The following HMGCLL1 variants were observed in gnomAD, a reference collection of about 807,000 sequenced individuals.
HMGCLL1 encodes the protein 3-hydroxy-3-methylglutaryl-CoA lyase like 1, also known as 3-hydroxymethyl-3-methylglutaryl-CoA lyase, cytoplasmic.
In HMGCLL1, 36 loss-of-function variants were observed where a neutral mutation model predicts 39.1. The observed-to-expected ratio is 0.92, with a 90% confidence interval of 0.71 to 1.22. The LOEUF (loss-of-function observed/expected upper bound fraction) is 1.22, where lower values mean the gene tolerates loss of function less well. Among genes scored for constraint, HMGCLL1 ranks in the 50% most tolerant of loss-of-function variants. The pLI, the probability that HMGCLL1 is intolerant of heterozygous loss-of-function variation, is 0.00. For missense variants in HMGCLL1, 451 were observed against 416.5 expected (o/e 1.08, Z -0.72); for synonymous variants, 149 against 144.0 (o/e 1.03, Z -0.25).
intron 7 of HMGCLL1, among the ~76,000 whole-genome samples, chr6:55,483,074 C>A (rs1765826917): frequency 6.6e-6 from 1 of 152,010 alleles, no homozygotes; most frequent in Non-Finnish European, 1.5e-5. Flanking sequence ...AACCAAATTT[C>A]ATTTTTATAC....
At chr6:55,541,998 T>C in intron 2 of HMGCLL1, 62 bp downstream of exon 2, 1 of 1,142,692 alleles carries the variant, frequency 8.8e-7, no homozygotes. Flanking sequence ...TCCATGTAAA[T>C]CTTTACAATC....
chr6:55,462,256 C>T (rs1764600516), intron 7 of HMGCLL1, among the ~76,000 whole-genome samples: 1 of 152,156 alleles, frequency 6.6e-6, no homozygotes, highest in Non-Finnish European at 1.5e-5. Context: ...CTGCCATCTG[C>T]TCTCTTGGGA....
chr6:55,459,103 C>T lies in HMGCLL1; in HGVS notation c.796-19544G>A, dbSNP rs569351743. On this transcript the variant is annotated intron_variant, in intron 7 of 8. Coordinates refer to ENST00000274901, the MANE Select transcript of HMGCLL1 (RefSeq NM_001042406.2). Reference sequence around the variant, plus strand: ...GCCTCCTCTCCTGTCAAAATTAGTACAGAATGTTAGCTTTTAGAAGAGCAT... The same window carrying T: ...GCCTCCTCTCCTGTCAAAATTAGTATAGAATGTTAGCTTTTAGAAGAGCAT... Among the ~76,000 whole-genome samples, 310 of 152,210 alleles carry T rather than the reference C, an allele frequency of 2.0e-3. 3 individuals are homozygous for T. Among genetic ancestry groups the T allele is most frequent in the African/African-American group, 7.1e-3 (294 of 41,554 alleles).
At chr6:55,632,210 C>T in the HMGCLL1 span, among the ~76,000 whole-genome samples, 2 of 151,872 alleles carry the variant, frequency 1.3e-5, no homozygotes, top group African/African-American at 4.8e-5. Context: ...TTTTACTTGC[C>T]TCACATTTCA....
At chr6:55,438,218 T>C (rs1342710984) in intron 8 of HMGCLL1, among the ~76,000 whole-genome samples, 1 of 152,086 alleles carries the variant, frequency 6.6e-6, no homozygotes, top group Admixed American at 6.6e-5. Context: ...GTAAATGAAA[T>C]AACATTTATT....
the HMGCLL1 span, among the ~76,000 whole-genome samples, chr6:55,669,425 C>A: frequency 6.6e-6 from 1 of 151,808 alleles, no homozygotes; most frequent in African/African-American, 2.4e-5. Flanking sequence ...GAGATTTAAA[C>A]AAGACTCAGC....
At chr6:55,539,982 AAGGAAGGAAGGAAGGGAGGGAGGG>A (rs1274605413) in intron 3 of HMGCLL1, among the ~76,000 whole-genome samples, 234 of 11,754 alleles carry the variant, frequency 0.02, 4 homozygotes, top group African/African-American at 0.03. Context: ...GGAAGGAAGG[AAGGAAGGAAGGAAGGGAGGGAGGG>A]AGGGAGGGAG....
chr6:55,577,253 T>A, intron 1 of HMGCLL1: 1 of 1,486,252 alleles, frequency 6.7e-7, no homozygotes. Flanking sequence ...AAATCACAAT[T>A]CAACAGTATT....
the HMGCLL1 span, among the ~76,000 whole-genome samples, chr6:55,622,003 T>C: frequency 1.3e-5 from 2 of 152,128 alleles, no homozygotes; most frequent in African/African-American, 4.8e-5. Flanking sequence ...CTTTGGTTAA[T>C]TTTATTCCTA....
intron 7 of HMGCLL1, among the ~76,000 whole-genome samples, chr6:55,494,631 CTG>C (rs773039217): frequency 6.6e-5 from 10 of 152,242 alleles, no homozygotes; most frequent in Non-Finnish European, 1.2e-4. Flanking sequence ...TACTTTAGGA[CTG>C]TGATACTAAG....
intron 1 of HMGCLL1, among the ~76,000 whole-genome samples, chr6:55,545,246 C>T (rs995837526): frequency 4.0e-5 from 6 of 149,282 alleles, no homozygotes; most frequent in Admixed American, 2.0e-4. Context: ...AAGAAAGGTA[C>T]GTAGTGTTTT....
At chr6:55,618,625 C>T in the HMGCLL1 span, among the ~76,000 whole-genome samples, 3 of 151,524 alleles carry the variant, frequency 2.0e-5, no homozygotes, top group East Asian at 1.9e-4. Context: ...ATTCTAGAAA[C>T]AAAGACAATA....
the HMGCLL1 span, among the ~76,000 whole-genome samples, chr6:55,596,337 CAAAT>C: frequency 6.6e-6 from 1 of 152,008 alleles, no homozygotes; most frequent in Non-Finnish European, 1.5e-5. Context: ...CAAAAATAAA[CAAAT>C]AAATAAGTAA....
chr6:55,662,403 A>G, the HMGCLL1 span, among the ~76,000 whole-genome samples: 1 of 151,772 alleles, frequency 6.6e-6, no homozygotes. Flanking sequence ...GGGCTGTCGA[A>G]TTTCACTGAA....
chr6:55,441,777 G>A (rs1417585822), intron 7 of HMGCLL1, among the ~76,000 whole-genome samples: 1 of 151,950 alleles, frequency 6.6e-6, no homozygotes, highest in East Asian at 1.9e-4. Context: ...TGCAACCTCT[G>A]CTTCCTGGGT....
intron 7 of HMGCLL1, among the ~76,000 whole-genome samples, chr6:55,491,406 T>C (rs1036531046): frequency 6.6e-6 from 1 of 152,112 alleles, no homozygotes; most frequent in African/African-American, 2.4e-5. Context: ...AGGTAAATAA[T>C]TTGGTCTTTC....
chr6:55,579,465 G>T (rs761709342), upstream of HMGCLL1, among the ~76,000 whole-genome samples: 68 of 152,286 alleles, frequency 4.5e-4, no homozygotes, highest in Non-Finnish European at 8.4e-4. Flanking sequence ...AGGAAGGGGC[G>T]TGAGTGTTTA....
At chr6:55,445,596 T>C (rs2127384642) in intron 7 of HMGCLL1, among the ~76,000 whole-genome samples, 1 of 152,154 alleles carries the variant, frequency 6.6e-6, no homozygotes, top group Admixed American at 6.6e-5. Flanking sequence ...GGAAAGATGT[T>C]CCATTTCTCT....
chr6:55,602,198 C>A, the HMGCLL1 span, among the ~76,000 whole-genome samples: 1 of 152,014 alleles, frequency 6.6e-6, no homozygotes, highest in East Asian at 1.9e-4. Context: ...GTAGAGGTGG[C>A]ATTCTATATT....
Sources: gnomAD v4.1 joint callset for allele counts (sites outside exome capture counted in the v4.1 genomes callset) on GRCh38, gnomAD v4.1.1 for gene constraint, MANE v1.5 for transcripts, NCBI Gene and HGNC (gene_info 2026-07-23, HGNC 2026-07-21) for gene names.